Variants in EIF2S2 observed in about 807,000 individuals in gnomAD.
EIF2S2 encodes the protein eukaryotic translation initiation factor 2 subunit 2.
A neutral mutation model predicts 44.0 loss-of-function variants in EIF2S2; 4 were observed. The observed-to-expected ratio is 0.09, with a 90% CI of 0.04 to 0.21. The LOEUF (loss-of-function observed/expected upper bound fraction) is 0.21, where lower values mean the gene tolerates loss of function less well. EIF2S2 is among the 10% of genes least tolerant of loss of function. EIF2S2 has a pLI of 1.00. For synonymous variants in EIF2S2, 108 were observed against 128.3 expected, an observed-to-expected ratio of 0.84 and a Z score of 1.07; for missense variants, 154 against 392.0, an observed-to-expected ratio of 0.39 and a Z score of 5.13.
chr20:34,090,419 CT>C, intron 8 of EIF2S2, 97 bp downstream of exon 8: 1 of 729,416 alleles, frequency 1.4e-6, no homozygotes. Flanking sequence ...TTAAGGCCAG[CT>C]TTTCCCAGCT....
intron 1 of EIF2S2, chr20:34,108,335 A>C (rs2034371740): frequency 6.6e-6 from 1 of 152,230 alleles, no homozygotes; most frequent in African/African-American, 2.4e-5. Flanking sequence ...TCTCTCAATT[A>C]CTGTCTGGAT....
intron 5 of EIF2S2, 74 bp downstream of exon 5, chr20:34,097,341 CA>C: frequency 7.8e-7 from 1 of 1,287,256 alleles, no homozygotes; most frequent in East Asian, 2.3e-5. Context: ...ACGGCCGTTC[CA>C]ATAAGATTTA....
chr20:34,100,213 C>A (rs751697878), intron 3 of EIF2S2, among the ~76,000 whole-genome samples: 9 of 152,122 alleles, frequency 5.9e-5, no homozygotes, highest in Admixed American at 1.3e-4. Flanking sequence ...CGGGGTTTTA[C>A]CATATTGGCC....
At chr20:34,098,060 A>C (rs1190895151) in intron 4 of EIF2S2, among the ~76,000 whole-genome samples, 7 of 152,160 alleles carry the variant, frequency 4.6e-5, no homozygotes, top group Non-Finnish European at 1.0e-4. Flanking sequence ...TGCCTGACCA[A>C]CATGGAGAAA....
chr20:34,111,240 G>T (rs2034408611), intron 1 of EIF2S2, among the ~76,000 whole-genome samples: 1 of 152,204 alleles, frequency 6.6e-6, no homozygotes, highest in Admixed American at 6.5e-5. Flanking sequence ...TTGCCCTTGT[G>T]ATCAAGGCTT....
rs949464786 is a variant in EIF2S2 at position 34,089,416 on chromosome 20, G to A, written c.*314C>T. On this transcript the variant is annotated 3_prime_UTR_variant, in exon 9 of 9. Transcript: ENST00000374980. Reference sequence around the variant, plus strand: ...AAGCACATTTATAGAAAAGAAAACTGAAGGACAAACCAAATTGAAAGAATC... The same window carrying A: ...AAGCACATTTATAGAAAAGAAAACTAAAGGACAAACCAAATTGAAAGAATC... The A allele has an allele frequency of 1.4e-4, 38 of 264,498 alleles. No homozygotes were observed. The highest frequency in any genetic ancestry group is 2.5e-4 in the Non-Finnish European group (36 of 142,056). 16.4% of individuals were successfully genotyped at this position (264,498 alleles called of 1,614,324 possible).
At chr20:34,109,574 C>A (rs2034387662) in intron 1 of EIF2S2, among the ~76,000 whole-genome samples, 1 of 151,848 alleles carries the variant, frequency 6.6e-6, no homozygotes. Context: ...GCAGGAGGAT[C>A]CCCTGAGCCC....
intron 1 of EIF2S2, among the ~76,000 whole-genome samples, chr20:34,107,515 T>G (rs1299921777): frequency 6.6e-6 from 1 of 152,172 alleles, no homozygotes; most frequent in East Asian, 1.9e-4. Flanking sequence ...TGTAAAACAC[T>G]TGCCATAGTG....
Position 34,095,310 on chromosome 20 carries a change from CTTTT to C in EIF2S2, c.683+1343_683+1346del, listed in dbSNP as rs148341160. 2.2e-4 allele frequency among the ~76,000 whole-genome samples: 27 copies of C among 123,896 alleles called. 1 individual carries two copies. The highest frequency in any genetic ancestry group is 6.6e-4 in the Admixed American group (8 of 12,154). The allele number at this position is 123,896 out of a possible 152,430, so 81.3% of individuals were successfully genotyped here. On this transcript the variant is annotated intron_variant, in intron 6 of 8. Transcript: ENST00000374980. ...TTAAACTATGATAAGTTAGCTACCT[CTTTT>C]TTTTTTTTTTTTTTTTGACAGAGTC...
At chr20:34,112,036 T>G in intron 1 of EIF2S2, 60 bp downstream of exon 1, 1 of 1,365,046 alleles carries the variant, frequency 7.3e-7, no homozygotes, top group Admixed American at 3.1e-5. Context: ...TCTCCCACAC[T>G]GGAGTGGGTT....
chr20:34,105,281 G>A, intron 2 of EIF2S2, 87 bp downstream of exon 2: 1 of 1,423,934 alleles, frequency 7.0e-7, no homozygotes, highest in Admixed American at 2.2e-5. Context: ...TTGTCAGGCT[G>A]AGAGGTCGCT....
At chr20:34,100,447 A>T (rs2034282347) in intron 3 of EIF2S2, among the ~76,000 whole-genome samples, 1 of 152,148 alleles carries the variant, frequency 6.6e-6, no homozygotes, top group Non-Finnish European at 1.5e-5. Context: ...ACCAGCCCCC[A>T]TCCTAAAGCT....
intron 7 of EIF2S2, among the ~76,000 whole-genome samples, chr20:34,092,638 G>A (rs1468414238): frequency 1.3e-5 from 2 of 152,182 alleles, no homozygotes; most frequent in Admixed American, 1.3e-4. Context: ...CTGCACTCCA[G>A]CCTGGGTGAC....
intron 2 of EIF2S2, 37 bp from the exon 3 acceptor site, chr20:34,103,602 G>A: frequency 6.7e-7 from 1 of 1,498,334 alleles, no homozygotes; most frequent in Non-Finnish European, 8.9e-7. Flanking sequence ...ACAACTAAAA[G>A]GCAAAGCATC....
chr20:34,105,757 C>T (rs985785545), intron 1 of EIF2S2, among the ~76,000 whole-genome samples: 15 of 152,138 alleles, frequency 9.9e-5, no homozygotes, highest in Non-Finnish European at 4.4e-5. Context: ...ATGTACACAT[C>T]TTTCAATTTG....
At position 34,089,723 on chromosome 20, in the gene EIF2S2, T is replaced by C. The variant is rs201943306; in HGVS notation, c.*7A>G. On this transcript the variant is annotated 3_prime_UTR_variant, in exon 9 of 9. Transcript: ENST00000374980. ...CAACAAGCTTTGCAAAATCAGTGAT[T>C]AGCAAATTAGTTAGCTTTGGCACGG... The C allele has an allele frequency of 1.7e-5, 28 of 1,604,958 alleles. No individual in the cohort carries two copies. The African/African-American group carries it at 3.2e-4, about 18-fold the overall frequency.
At chr20:34,107,904 T>C (rs1490394360) in intron 1 of EIF2S2, among the ~76,000 whole-genome samples, 1 of 152,242 alleles carries the variant, frequency 6.6e-6, no homozygotes, top group Non-Finnish European at 1.5e-5. Flanking sequence ...GAACATTATC[T>C]GGCCAACTTA....
At chr20:34,100,504 C>T (rs1013841146) in intron 3 of EIF2S2, among the ~76,000 whole-genome samples, 9 of 152,186 alleles carry the variant, frequency 5.9e-5, no homozygotes, top group African/African-American at 2.2e-4. Flanking sequence ...TAATTAGTAT[C>T]TATTTTGTGT....
At chr20:34,109,557 G>C (rs1039770541) in intron 1 of EIF2S2, among the ~76,000 whole-genome samples, 2 of 152,066 alleles carry the variant, frequency 1.3e-5, no homozygotes, top group African/African-American at 2.4e-5. Context: ...CTACTTGCGA[G>C]GCTGAGGCAG....
Sources: allele counts gnomAD v4.1 joint callset (sites outside exome capture counted in the v4.1 genomes callset), GRCh38; gene constraint gnomAD v4.1.1; transcripts MANE v1.5; gene names NCBI Gene and HGNC (gene_info 2026-07-23, HGNC 2026-07-21).